NOX4: variants seen among roughly 807,000 people sequenced by gnomAD.
NOX4 encodes the protein NADPH oxidase 4.
Under a neutral mutation model 87.6 loss-of-function variants are expected in NOX4, and 69 were observed. The observed-to-expected ratio is 0.79, with a 90% confidence interval of 0.65 to 0.96. NOX4 has a LOEUF of 0.96. Among genes scored for constraint, NOX4 ranks in the 40% least tolerant of loss-of-function variants. NOX4 has a pLI of 0.00. For missense variants in NOX4, 680 were observed against 681.5 expected, an observed-to-expected ratio of 1.00 and a Z score of 0.02; for synonymous variants, 275 against 238.2, an observed-to-expected ratio of 1.15 and a Z score of -1.42.
At chr11:89,487,767 C>A (rs1159833259) in intron 2 of NOX4, among the ~76,000 whole-genome samples, 1 of 152,004 alleles carries the variant, frequency 6.6e-6, no homozygotes, top group African/African-American at 2.4e-5. Flanking sequence ...AACATCAGAA[C>A]CAGCAATATT....
chr11:89,435,604 A>G (rs1944044803), intron 6 of NOX4, among the ~76,000 whole-genome samples: 1 of 152,162 alleles, frequency 6.6e-6, no homozygotes, highest in African/African-American at 2.4e-5. Context: ...TCTTAAACTT[A>G]TTAGATCAGA....
the NOX4 span, among the ~76,000 whole-genome samples, chr11:89,521,010 A>C: frequency 6.6e-6 from 1 of 152,202 alleles, no homozygotes; most frequent in Non-Finnish European, 1.5e-5. Context: ...TACAAAAAGA[A>C]CTATGAAACA....
At chr11:89,447,734 T>C (rs903237520) in intron 4 of NOX4, among the ~76,000 whole-genome samples, 1 of 152,120 alleles carries the variant, frequency 6.6e-6, no homozygotes, top group Non-Finnish European at 1.5e-5. Context: ...GTCACGAATA[T>C]GCTGGTTTCC....
the NOX4 span, among the ~76,000 whole-genome samples, chr11:89,530,509 C>CTTTTTTTTT: frequency 7.4e-6 from 1 of 135,446 alleles, no homozygotes; most frequent in African/African-American, 2.7e-5. Flanking sequence ...CATCTGTCTA[C>CTTTTTTTTT]TTTTTTTTTT....
the NOX4 span, among the ~76,000 whole-genome samples, chr11:89,544,461 CAG>C: frequency 6.6e-6 from 1 of 152,030 alleles, no homozygotes; most frequent in Non-Finnish European, 1.5e-5. Flanking sequence ...GCGAGTGACT[CAG>C]AGATTCAGAG....
At chr11:89,544,127 G>A in the NOX4 span, among the ~76,000 whole-genome samples, 5 of 152,172 alleles carry the variant, frequency 3.3e-5, no homozygotes, top group South Asian at 8.3e-4. Flanking sequence ...TCAGGCATGG[G>A]CAATGATTTG....
chr11:89,324,548 G>A lies in NOX4; in HGVS notation c.*2208C>T, dbSNP rs947259437. ...CTACTGGAACTTAAATAAGCAAGGA[G>A]GCTCATCTAGAATGGCAGACCAGCT... On this transcript the variant is annotated 3_prime_UTR_variant, in exon 18 of 18. Transcript: ENST00000263317. 1 of 152,064 alleles carries A rather than the reference G, an allele frequency of 6.6e-6. No homozygotes were observed. Among genetic ancestry groups the A allele is most frequent in the Non-Finnish European group, 1.5e-5 (1 of 68,022 alleles). 9.4% of individuals were successfully genotyped at this position (152,064 alleles called of 1,614,324 possible).
At chr11:89,581,226 G>A in the NOX4 span, among the ~76,000 whole-genome samples, 1 of 152,108 alleles carries the variant, frequency 6.6e-6, no homozygotes. Flanking sequence ...TAGATGGGGA[G>A]ATATTAAAAC....
intron 2 of NOX4, among the ~76,000 whole-genome samples, chr11:89,460,276 A>G (rs200190967): frequency 6.6e-6 from 1 of 152,214 alleles, no homozygotes; most frequent in Admixed American, 6.5e-5. Flanking sequence ...CTAAAACACC[A>G]AAAGCAATGG....
intron 2 of NOX4, among the ~76,000 whole-genome samples, chr11:89,472,024 G>A (rs1055837704): frequency 6.6e-6 from 1 of 152,180 alleles, no homozygotes; most frequent in African/African-American, 2.4e-5. Context: ...TTACAGGCAT[G>A]AGCTACTGCA....
chr11:89,328,366 G>A (rs538516234), intron 17 of NOX4, among the ~76,000 whole-genome samples: 2 of 152,250 alleles, frequency 1.3e-5, no homozygotes, highest in African/African-American at 4.8e-5. Flanking sequence ...AGGGCAATGG[G>A]TTGTATTCTC....
the NOX4 span, among the ~76,000 whole-genome samples, chr11:89,535,501 G>C: frequency 6.6e-6 from 1 of 152,164 alleles, no homozygotes; most frequent in Non-Finnish European, 1.5e-5. Context: ...ATAATCCAAA[G>C]AACGCCAGAT....
At chr11:89,420,513 C>G (rs1419730476) in intron 8 of NOX4, among the ~76,000 whole-genome samples, 1 of 151,902 alleles carries the variant, frequency 6.6e-6, no homozygotes, top group Non-Finnish European at 1.5e-5. Flanking sequence ...TGCTCTACAA[C>G]TATGTGTTCT....
intron 8 of NOX4, among the ~76,000 whole-genome samples, chr11:89,414,346 G>C (rs775087871): frequency 2.2e-4 from 33 of 151,906 alleles, no homozygotes; most frequent in Non-Finnish European, 4.4e-4. Flanking sequence ...CTAATATTTA[G>C]AGAAAATTCA....
chr11:89,459,509 A>C (rs1010834219), intron 2 of NOX4, among the ~76,000 whole-genome samples: 8 of 152,216 alleles, frequency 5.3e-5, no homozygotes, highest in Admixed American at 1.3e-4. Flanking sequence ...ATTCTTATAC[A>C]CCAATAACGA....
intron 6 of NOX4, among the ~76,000 whole-genome samples, chr11:89,440,381 G>A (rs375950936): frequency 1.1e-4 from 17 of 151,994 alleles, no homozygotes; most frequent in South Asian, 4.2e-4. Context: ...GTGCAGTGGC[G>A]CGATCTCAGC....
chr11:89,406,537 T>C (rs1942195313), intron 8 of NOX4, among the ~76,000 whole-genome samples: 1 of 152,128 alleles, frequency 6.6e-6, no homozygotes, highest in African/African-American at 2.4e-5. Context: ...TTTATTAATT[T>C]TGGAATCTTA....
intron 2 of NOX4, among the ~76,000 whole-genome samples, chr11:89,474,162 A>G (rs1415404148): frequency 6.6e-6 from 1 of 152,122 alleles, no homozygotes; most frequent in East Asian, 1.9e-4. Context: ...CAACCTATTA[A>G]ATTAAATCAA....
chr11:89,438,837 TTATA>T (rs1234008173), intron 6 of NOX4, among the ~76,000 whole-genome samples: 1 of 37,148 alleles, frequency 2.7e-5, no homozygotes, highest in Non-Finnish European at 3.8e-5. Flanking sequence ...ATCTTATATA[TTATA>T]TATATTATAT....
Sources: gnomAD v4.1 joint callset for allele counts (sites outside exome capture counted in the v4.1 genomes callset) on GRCh38, gnomAD v4.1.1 for gene constraint, MANE v1.5 for transcripts, NCBI Gene and HGNC (gene_info 2026-07-23, HGNC 2026-07-21) for gene names.